CCSER1: variants seen among roughly 807,000 people sequenced by gnomAD.
The protein encoded by CCSER1 is serine-rich coiled-coil domain-containing protein 1.
A neutral mutation model predicts 82.0 loss-of-function variants in CCSER1; 41 were observed. The ratio of observed to expected loss-of-function variants is 0.50; its 90% CI spans 0.39 to 0.65. CCSER1 has a LOEUF of 0.65. Ranked by LOEUF, CCSER1 falls within the 30% of genes least tolerant of loss-of-function variation. The pLI, the probability that CCSER1 is intolerant of heterozygous loss-of-function variation, is 0.00. For missense variants in CCSER1, 1,119 were observed against 1,064.2 expected, an observed-to-expected ratio of 1.05 and a Z score of -0.72; for synonymous variants, 414 against 383.9, an observed-to-expected ratio of 1.08 and a Z score of -0.92.
intron 6 of CCSER1, chr4:90,663,797 T>C: frequency 4.2e-6 from 1 of 236,396 alleles, no homozygotes; most frequent in Non-Finnish European, 9.5e-6. Flanking sequence ...ATTAGTTCCA[T>C]CTGTATGACC....
intron 10 of CCSER1, among the ~76,000 whole-genome samples, chr4:91,553,473 G>T (rs1356532123): frequency 1.3e-5 from 2 of 151,184 alleles, no homozygotes; most frequent in Admixed American, 6.6e-5. Flanking sequence ...TATTAATTGT[G>T]TTTTAAATGT....
chr4:91,014,961 A>C (rs1362957481), intron 9 of CCSER1, among the ~76,000 whole-genome samples: 1 of 102,366 alleles, frequency 9.8e-6, no homozygotes, highest in Admixed American at 9.3e-5. Flanking sequence ...GAAATTGTGC[A>C]GATAAATTAC....
chr4:90,284,504 T>A (rs1266013686), intron 1 of CCSER1, among the ~76,000 whole-genome samples: 1 of 151,790 alleles, frequency 6.6e-6, no homozygotes, highest in Non-Finnish European at 1.5e-5. Flanking sequence ...ATTTTTTTTT[T>A]TTTTTTTGAG....
At chr4:90,873,345 G>A (rs1766802390) in intron 8 of CCSER1, among the ~76,000 whole-genome samples, 1 of 151,752 alleles carries the variant, frequency 6.6e-6, no homozygotes, top group Non-Finnish European at 1.5e-5. Flanking sequence ...TTCTTTTTCT[G>A]AATCAATTCT....
chr4:91,566,635 G>A (rs978354941), intron 10 of CCSER1, among the ~76,000 whole-genome samples: 3 of 152,048 alleles, frequency 2.0e-5, no homozygotes, highest in African/African-American at 7.2e-5. Context: ...ATATGTCCAG[G>A]AATTTATCCA....
intron 10 of CCSER1, among the ~76,000 whole-genome samples, chr4:91,196,675 T>C (rs1206411689): frequency 2.0e-5 from 3 of 152,214 alleles, no homozygotes; most frequent in Admixed American, 6.5e-5. Flanking sequence ...ATTTGTTCCT[T>C]TCAGTGAATT....
chr4:90,246,889 G>A (rs1423209186), intron 1 of CCSER1, among the ~76,000 whole-genome samples: 2 of 151,634 alleles, frequency 1.3e-5, no homozygotes, highest in South Asian at 2.1e-4. Context: ...TTATTAGGTT[G>A]AGAACTTTCA....
chr4:91,498,565 A>G (rs1759050692), intron 10 of CCSER1, among the ~76,000 whole-genome samples: 1 of 151,520 alleles, frequency 6.6e-6, no homozygotes, highest in Non-Finnish European at 1.5e-5. Context: ...TATGTTCTTA[A>G]TTTTCCTGGA....
intron 9 of CCSER1, among the ~76,000 whole-genome samples, chr4:91,021,078 A>G (rs546982284): frequency 6.6e-6 from 1 of 152,282 alleles, no homozygotes; most frequent in African/African-American, 2.4e-5. Flanking sequence ...TATTTTTGAA[A>G]TTAAATCCCT....
At chr4:91,254,260 C>G (rs1293352920) in intron 10 of CCSER1, among the ~76,000 whole-genome samples, 2 of 152,282 alleles carry the variant, frequency 1.3e-5, no homozygotes, top group East Asian at 3.9e-4. Flanking sequence ...CAAACACATT[C>G]TTCTCAATTG....
chr4:90,451,376 G>C (rs1761433341), intron 4 of CCSER1, among the ~76,000 whole-genome samples: 1 of 152,162 alleles, frequency 6.6e-6, no homozygotes, highest in Non-Finnish European at 1.5e-5. Flanking sequence ...TCTTCCCCGA[G>C]GTAGACTCCC....
chr4:91,276,144 CTTTT>C (rs993798948), intron 10 of CCSER1, among the ~76,000 whole-genome samples: 1 of 151,452 alleles, frequency 6.6e-6, no homozygotes, highest in East Asian at 1.9e-4. Context: ...TATTCCAGCT[CTTTT>C]TTGGTTCCAT....
intron 10 of CCSER1, among the ~76,000 whole-genome samples, chr4:91,268,215 TA>T (rs1741751462): frequency 6.6e-6 from 1 of 152,120 alleles, no homozygotes; most frequent in Non-Finnish European, 1.5e-5. Flanking sequence ...TAGAGGTAAA[TA>T]AAAAAGAAGG....
intron 3 of CCSER1, among the ~76,000 whole-genome samples, chr4:90,391,656 T>C (rs1191137446): frequency 1.3e-5 from 2 of 151,154 alleles, no homozygotes; most frequent in Non-Finnish European, 3.0e-5. Flanking sequence ...ATGAGTAGTG[T>C]GTAGAACAAA....
intron 1 of CCSER1, among the ~76,000 whole-genome samples, chr4:90,286,258 A>C (rs79364430): frequency 2.0e-5 from 3 of 151,974 alleles, no homozygotes; most frequent in Admixed American, 6.6e-5. Context: ...TAAAGCTATC[A>C]GGTCCTGGGC....
At position 90,344,743 on chromosome 4, in the gene CCSER1, A is replaced by C. The variant is rs145043168; in HGVS notation, c.1509+31696A>C. 3.0e-3 allele frequency among the ~76,000 whole-genome samples: 456 copies of C among 152,228 alleles called. 2 individuals are homozygous for C. Among genetic ancestry groups the C allele is most frequent in the African/African-American group, 0.011 (444 of 41,566 alleles). ...GTACTTATCCATCTGCCCTCATGCC[A>C]GGTATAGTAACTTGTGCTTAATAAA... is the stretch of plus-strand genomic sequence containing the variant. On this transcript the variant is annotated intron_variant, in intron 3 of 10. Transcript: ENST00000509176.
At chr4:90,515,247 T>C (rs1302716158) in intron 5 of CCSER1, among the ~76,000 whole-genome samples, 1 of 152,234 alleles carries the variant, frequency 6.6e-6, no homozygotes, top group African/African-American at 2.4e-5. Flanking sequence ...TAAAAATGTC[T>C]GTTCTATGCA....
intron 10 of CCSER1, among the ~76,000 whole-genome samples, chr4:91,537,351 G>A (rs76195835): frequency 2.6e-4 from 40 of 152,156 alleles, no homozygotes; most frequent in Non-Finnish European, 4.7e-4. Context: ...AACCTAGACA[G>A]AATAAAATTA....
intron 9 of CCSER1, among the ~76,000 whole-genome samples, chr4:90,959,698 A>AAAGG (rs57988817): frequency 7.3e-4 from 1 of 1,378 alleles, no homozygotes; most frequent in South Asian, 7.6e-3. Context: ...ATGATCAGAT[A>AAAGG]AAGAGACTTC....
Sources: gnomAD v4.1 joint callset for allele counts (sites outside exome capture counted in the v4.1 genomes callset) on GRCh38, gnomAD v4.1.1 for gene constraint, MANE v1.5 for transcripts, NCBI Gene and HGNC (gene_info 2026-07-23, HGNC 2026-07-21) for gene names.